The following VPS13B variants were observed in gnomAD, a reference collection of about 807,000 sequenced individuals.
VPS13B encodes vacuolar protein sorting 13 homolog B.
In VPS13B, 285 loss-of-function variants were observed where a neutral mutation model predicts 426.4. That is an observed-to-expected ratio of 0.67 (90% CI 0.61 to 0.74). The LOEUF (loss-of-function observed/expected upper bound fraction) is 0.74, where lower values mean the gene tolerates loss of function less well. Ranked by LOEUF, VPS13B falls within the 30% of genes least tolerant of loss-of-function variation. The pLI, the probability that VPS13B is intolerant of heterozygous loss-of-function variation, is 0.00. For missense variants in VPS13B, 4,537 were observed against 4,782.6 expected, an observed-to-expected ratio of 0.95 and a Z score of 1.51; for synonymous variants, 1,676 against 1,676.4, an observed-to-expected ratio of 1.00 and a Z score of 0.01.
chr8:99,269,867 T>C (rs994728569), intron 17 of VPS13B, among the ~76,000 whole-genome samples: 2 of 152,132 alleles, frequency 1.3e-5, no homozygotes, highest in Admixed American at 6.5e-5. Flanking sequence ...TACTTTTCTC[T>C]ATTTGATATC....
chr8:99,052,318 C>T (rs200848867), intron 3 of VPS13B, among the ~76,000 whole-genome samples: 79 of 80,546 alleles, frequency 9.8e-4, no homozygotes, highest in East Asian at 6.2e-3. Flanking sequence ...GTTCTGTTTA[C>T]GTGATGGATT....
intron 40 of VPS13B, among the ~76,000 whole-genome samples, chr8:99,769,678 T>C (rs191414172): frequency 1.1e-3 from 172 of 152,344 alleles, no homozygotes; most frequent in Middle Eastern, 6.8e-3. Flanking sequence ...TAGCATTTAA[T>C]AGATGTAGAA....
intron 25 of VPS13B, among the ~76,000 whole-genome samples, chr8:99,487,764 G>C (rs1049625095): frequency 6.6e-6 from 1 of 152,010 alleles, no homozygotes; most frequent in East Asian, 1.9e-4. Flanking sequence ...TCCTTTCTTT[G>C]TGTGTATCAG....
intron 21 of VPS13B, among the ~76,000 whole-genome samples, chr8:99,413,404 C>G (rs1286800784): frequency 1.3e-5 from 2 of 151,568 alleles, no homozygotes; most frequent in African/African-American, 4.8e-5. Flanking sequence ...CAGTGGTGAT[C>G]TCCCCTTTAT....
chr8:99,697,176 G>A (rs746397052), intron 35 of VPS13B: 4 of 549,612 alleles, frequency 7.3e-6, no homozygotes, highest in African/African-American at 1.9e-5. Context: ...GGAAGAGCAG[G>A]TGAAAGTGGC....
rs747641590 is a variant in VPS13B, at chr8:99,233,120, C to G, written c.2515+40063C>G. The G allele has an allele frequency of 5.9e-6, 8 of 1,352,202 alleles. No homozygotes were observed. The South Asian group carries it at 9.3e-5, about 16-fold the overall frequency. The allele number at this position is 1,352,202 out of a possible 1,614,324, so 83.8% of individuals were successfully genotyped here. ...TGCTGCTTCACCTCTTGTACAGTTT[C>G]CCTGATACTGCGCTGTGCAGTCTGG... On this transcript the variant is annotated intron_variant, in intron 17 of 61. Transcript: ENST00000357162.
chr8:99,301,429 G>C (rs538477926), intron 19 of VPS13B, among the ~76,000 whole-genome samples: 20 of 151,774 alleles, frequency 1.3e-4, no homozygotes, highest in Non-Finnish European at 2.4e-4. Context: ...GAGTAGCTGG[G>C]ATTACAGGCA....
At position 99,014,110 on chromosome 8, in the gene VPS13B, C is replaced by CTTTTTTTTTTTTTTTTTTTTTTTTT. The variant is rs1211028912; in HGVS notation, c.147+176_147+200dup. 7.6e-4 allele frequency among the ~76,000 whole-genome samples: 55 copies of CTTTTTTTTTTTTTTTTTTTTTTTTT among 72,308 alleles called. 5 individuals carry two copies. Among genetic ancestry groups the CTTTTTTTTTTTTTTTTTTTTTTTTT allele is most frequent in the East Asian group, 2.1e-3 (4 of 1,920 alleles). 47.4% of individuals were successfully genotyped at this position (72,308 alleles called of 152,430 possible). On this transcript the variant is annotated intron_variant, in intron 2 of 61. Transcript: ENST00000357162. ...TACACTATTTTCTTTTTCTTTCTTT[C>CTTTTTTTTTTTTTTTTTTTTTTTTT]TTTTTTTTTTTTTTTTTTTTTTTTT...
intron 33 of VPS13B, among the ~76,000 whole-genome samples, chr8:99,623,453 A>G (rs1438924265): frequency 6.6e-6 from 1 of 152,148 alleles, no homozygotes; most frequent in Non-Finnish European, 1.5e-5. Flanking sequence ...AGGCTCCACA[A>G]GGAGAGTTTT....
At chr8:99,485,343 C>T (rs952978808) in intron 25 of VPS13B, among the ~76,000 whole-genome samples, 7 of 152,080 alleles carry the variant, frequency 4.6e-5, no homozygotes, top group Non-Finnish European at 7.4e-5. Context: ...TATTTAAATT[C>T]ATTAACACCT....
chr8:99,285,146 A>G lies in VPS13B; in HGVS notation c.2824+9892A>G, dbSNP rs550745334. On this transcript the variant is annotated intron_variant, in intron 19 of 61. Transcript: ENST00000357162. Reference sequence around the variant, plus strand: ...AAAATTTGCAAACCTATGATTATGCATTTCTGAAGCTAGGAGCAAATCCTT... The same window carrying G: ...AAAATTTGCAAACCTATGATTATGCGTTTCTGAAGCTAGGAGCAAATCCTT... Among the ~76,000 whole-genome samples, 148 of 152,276 alleles carry G rather than the reference A, an allele frequency of 9.7e-4. 1 individual carries two copies. The highest frequency in any genetic ancestry group is 2.0e-3 in the Non-Finnish European group (136 of 68,018).
At chr8:99,137,913 T>C (rs1283368406) in intron 12 of VPS13B, among the ~76,000 whole-genome samples, 1 of 152,174 alleles carries the variant, frequency 6.6e-6, no homozygotes, top group East Asian at 1.9e-4. Context: ...TAATAAATAT[T>C]CCTATGACCA....
intron 21 of VPS13B, among the ~76,000 whole-genome samples, chr8:99,392,203 A>G (rs1185185491): frequency 6.6e-6 from 1 of 152,202 alleles, no homozygotes; most frequent in Non-Finnish European, 1.5e-5. Flanking sequence ...CTTGAAAACG[A>G]CAGTACACCT....
intron 4 of VPS13B, 66 bp downstream of exon 4, chr8:99,096,498 G>A (rs1020976476): frequency 6.2e-7 from 1 of 1,601,370 alleles, no homozygotes. Context: ...GCTCATGCCT[G>A]TAATCCCAGT....
At chr8:99,745,830 C>G (rs1810053913) in intron 39 of VPS13B, among the ~76,000 whole-genome samples, 1 of 152,032 alleles carries the variant, frequency 6.6e-6, no homozygotes, top group African/African-American at 2.4e-5. Flanking sequence ...TAAAAGAAGT[C>G]TCAGCTATAT....
At chr8:99,737,111 T>C (rs1292168595) in intron 39 of VPS13B, among the ~76,000 whole-genome samples, 44 of 98,268 alleles carry the variant, frequency 4.5e-4, no homozygotes, top group African/African-American at 2.1e-3. Context: ...TCCTTCTTTT[T>C]TTTTTTTTTT....
intron 21 of VPS13B, among the ~76,000 whole-genome samples, chr8:99,427,818 C>T (rs1193236426): frequency 2.6e-5 from 4 of 151,832 alleles, no homozygotes; most frequent in Admixed American, 6.6e-5. Context: ...AAAAAGAGCC[C>T]GCATTGCCAA....
chr8:99,091,257 A>G (rs900726042), intron 3 of VPS13B, among the ~76,000 whole-genome samples: 1 of 152,164 alleles, frequency 6.6e-6, no homozygotes, highest in Admixed American at 6.5e-5. Flanking sequence ...TTAGAAAAGC[A>G]CATAGAAGTG....
intron 19 of VPS13B, among the ~76,000 whole-genome samples, chr8:99,360,464 A>C (rs1016719779): frequency 2.6e-5 from 4 of 151,278 alleles, no homozygotes; most frequent in Non-Finnish European, 5.9e-5. Flanking sequence ...TTTTTAGTAG[A>C]GACGGGGTTT....
Sources: allele counts gnomAD v4.1 joint callset (sites outside exome capture counted in the v4.1 genomes callset), GRCh38; gene constraint gnomAD v4.1.1; transcripts MANE v1.5; gene names NCBI Gene and HGNC (gene_info 2026-07-23, HGNC 2026-07-21).